The following DDIAS variants were observed in gnomAD, a reference collection of about 807,000 sequenced individuals.
DDIAS encodes the protein DNA damage-induced apoptosis suppressor protein.
In DDIAS, 14 loss-of-function variants were observed where a neutral mutation model predicts 15.7. The ratio of observed to expected loss-of-function variants is 0.89; its 90% CI spans 0.59 to 1.39. The LOEUF (loss-of-function observed/expected upper bound fraction) is 1.39. Ranked by LOEUF, DDIAS falls within the 40% of genes most tolerant of loss-of-function variation. The probability of loss-of-function intolerance (pLI) is 0.00; values close to 1 mark genes in which losing one functional copy is unlikely to be tolerated. For synonymous variants in DDIAS, 355 were observed against 395.9 expected, an observed-to-expected ratio of 0.90 and a Z score of 1.23; for missense variants, 1,035 against 1,130.9, an observed-to-expected ratio of 0.92 and a Z score of 1.22.
rs182268113 is a variant in DDIAS at position 82,925,584 on chromosome 11, T to C, written c.114-3193T>C. ...CTGTCCTCCAGCCTGGGCAGCAGAA[T>C]GAGACCCTGTCTGAAAACAAACCAA... On this transcript the variant is annotated intron_variant, in intron 3 of 5. Coordinates refer to ENST00000533655, the MANE Select transcript of DDIAS (RefSeq NM_145018.4). Among the ~76,000 whole-genome samples the C allele has an allele frequency of 7.9e-5, 12 of 151,332 alleles. No homozygotes were observed. In the East Asian group the frequency reaches 2.4e-3, roughly 30 times the overall value.
intron 1 of DDIAS, among the ~76,000 whole-genome samples, chr11:82,903,702 A>G (rs1040039753): frequency 5.9e-5 from 9 of 152,236 alleles, no homozygotes; most frequent in Non-Finnish European, 1.2e-4. Context: ...TTAAACAAGT[A>G]TGTGCCATTG....
intron 1 of DDIAS, among the ~76,000 whole-genome samples, chr11:82,902,647 G>C (rs1482802117): frequency 6.6e-6 from 1 of 152,094 alleles, no homozygotes; most frequent in Non-Finnish European, 1.5e-5. Flanking sequence ...AATGTCTTTT[G>C]TGTTCCTGAA....
chr11:82,920,651 C>T (rs1229072522), intron 3 of DDIAS, among the ~76,000 whole-genome samples: 2 of 152,272 alleles, frequency 1.3e-5, no homozygotes, highest in South Asian at 4.1e-4. Context: ...CATTCAGGAG[C>T]AGCTTATTTA....
chr11:82,924,643 T>A (rs2121351022), intron 3 of DDIAS, among the ~76,000 whole-genome samples: 1 of 152,068 alleles, frequency 6.6e-6, no homozygotes, highest in South Asian at 2.1e-4. Flanking sequence ...GTGAAACCTA[T>A]CCTCTACCAA....
chr11:82,923,395 G>A (rs1860796946), intron 3 of DDIAS, among the ~76,000 whole-genome samples: 1 of 152,216 alleles, frequency 6.6e-6, no homozygotes, highest in Non-Finnish European at 1.5e-5. Flanking sequence ...AGCACTGCAA[G>A]CTTATGACAG....
intron 2 of DDIAS, chr11:82,913,731 T>A (rs1340596442): frequency 4.5e-6 from 2 of 443,478 alleles, no homozygotes; most frequent in East Asian, 7.1e-5. Context: ...CAATTTAGGT[T>A]CTTTAAAAGA....
At chr11:82,928,736 T>C in intron 3 of DDIAS, 41 bp from the exon 4 acceptor site, 1 of 1,596,728 alleles carries the variant, frequency 6.3e-7, no homozygotes, top group African/African-American at 1.3e-5. Flanking sequence ...ATGAAAAACA[T>C]TTAATGAACA....
intron 5 of DDIAS, among the ~76,000 whole-genome samples, chr11:82,931,264 G>A (rs977040474): frequency 3.5e-4 from 53 of 152,172 alleles, no homozygotes; most frequent in African/African-American, 1.1e-3. Flanking sequence ...TCTTACATAT[G>A]CTACTTTGCC....
chr11:82,918,621 G>A (rs1294033139), intron 3 of DDIAS, among the ~76,000 whole-genome samples: 3 of 152,034 alleles, frequency 2.0e-5, no homozygotes, highest in African/African-American at 7.2e-5. Context: ...GAAGAATGAT[G>A]GTGGTAGGGA....
chr11:82,904,998 T>C (rs1170286013), intron 1 of DDIAS, among the ~76,000 whole-genome samples: 1 of 152,206 alleles, frequency 6.6e-6, no homozygotes, highest in African/African-American at 2.4e-5. Flanking sequence ...TCGTGGTAAA[T>C]TAGTAGAACA....
rs761318714 is a variant in DDIAS at position 82,931,768 on chromosome 11, A to G, written c.430A>G (p.Ser144Gly). ...ENQPGQGSDA[S>G]NFLQQCSDHK... ...CCAACCTGGACAAGGTTCAGATGCCAGTAACTTCTTACAGCAATGCTCTGA... is the reference window on the plus strand; with the variant it reads ...CCAACCTGGACAAGGTTCAGATGCCGGTAACTTCTTACAGCAATGCTCTGA... The change falls in exon 6 of 6, where the codon AGT becomes GGT. Residue 144 changes from serine (S) to glycine (G), a missense_variant. By Grantham distance (56) the Ser-to-Gly change is moderately conservative. Transcript: ENST00000533655. The G allele has an allele frequency of 1.9e-6, 3 of 1,608,898 alleles. No individual in the cohort carries two copies. In the East Asian group the frequency reaches 6.7e-5, roughly 36 times the overall value.
intron 3 of DDIAS, among the ~76,000 whole-genome samples, chr11:82,915,947 T>C (rs1308452115): frequency 1.3e-5 from 2 of 152,144 alleles, no homozygotes; most frequent in African/African-American, 2.4e-5. Context: ...ATGAAACAAA[T>C]TTTTTTCTCA....
At chr11:82,922,197 T>A (rs757814990) in intron 3 of DDIAS, among the ~76,000 whole-genome samples, 1 of 152,216 alleles carries the variant, frequency 6.6e-6, no homozygotes, top group Non-Finnish European at 1.5e-5. Flanking sequence ...TAGGTGATGA[T>A]CTTTTTGTGA....
At chr11:82,915,750 G>T (rs897848977) in intron 3 of DDIAS, among the ~76,000 whole-genome samples, 1 of 152,168 alleles carries the variant, frequency 6.6e-6, no homozygotes, top group African/African-American at 2.4e-5. Context: ...ATAAGTGATA[G>T]CATGATAGTG....
At chr11:82,926,088 A>ATTTTTT (rs71063242) in intron 3 of DDIAS, among the ~76,000 whole-genome samples, 1,885 of 133,934 alleles carry the variant, frequency 0.014, 87 homozygotes, top group African/African-American at 0.042. Context: ...TTGGCAAGTA[A>ATTTTTT]TTTTTTTTTT....
chr11:82,931,998 T>G lies in DDIAS; in HGVS notation c.660T>G (p.Ser220=). Residue 220 remains serine (S), a synonymous_variant, in exon 6 of 6, where the codon TCT becomes TCG. Transcript: ENST00000533655. ...SNSDLSSIYT[S]DSTSDFFKSC... The stretch of plus-strand genomic sequence containing the variant: ...GTGATCTCAGCAGCATATATACTTC[T>G]GACAGCACTTCTGATTTTTTCAAGT... The G allele has an allele frequency of 6.2e-7, 1 of 1,614,240 alleles. No homozygotes were observed. Among genetic ancestry groups the G allele is most frequent in the Non-Finnish European group, 8.5e-7 (1 of 1,180,042 alleles).
chr11:82,906,835 A>G (rs1194596339), intron 1 of DDIAS, among the ~76,000 whole-genome samples: 1 of 152,198 alleles, frequency 6.6e-6, no homozygotes, highest in Non-Finnish European at 1.5e-5. Flanking sequence ...TAATTTTATG[A>G]TTTGGTAAAA....
chr11:82,924,952 A>G (rs780813879), intron 3 of DDIAS, among the ~76,000 whole-genome samples: 2 of 152,162 alleles, frequency 1.3e-5, no homozygotes, highest in Non-Finnish European at 2.9e-5. Context: ...ACTCAAATCT[A>G]TTTTCATAAT....
intron 1 of DDIAS, among the ~76,000 whole-genome samples, chr11:82,907,750 A>G (rs1289089091): frequency 6.6e-6 from 1 of 152,198 alleles, no homozygotes; most frequent in Non-Finnish European, 1.5e-5. Context: ...TGTGTTGCCC[A>G]TGCTGGTCTC....
Sources: allele counts gnomAD v4.1 joint callset (sites outside exome capture counted in the v4.1 genomes callset), GRCh38; gene constraint gnomAD v4.1.1; transcripts MANE v1.5; gene names NCBI Gene and HGNC (gene_info 2026-07-23, HGNC 2026-07-21).